Variants in EWSR1 observed in about 807,000 individuals in gnomAD.
The protein encoded by EWSR1 is EWS RNA binding protein 1, also known as RNA-binding protein EWS.
In EWSR1, 14 loss-of-function variants were observed where a neutral mutation model predicts 92.1. The ratio of observed to expected loss-of-function variants is 0.15; its 90% confidence interval spans 0.10 to 0.24. The LOEUF (loss-of-function observed/expected upper bound fraction) is 0.24, where lower values mean the gene tolerates loss of function less well. EWSR1 is among the 10% of genes least tolerant of loss of function. The probability of loss-of-function intolerance (pLI) is 1.00; values close to 1 mark genes in which losing one functional copy is unlikely to be tolerated. For missense variants in EWSR1, 637 were observed against 870.9 expected (o/e 0.73, Z 3.38); for synonymous variants, 303 against 292.9 (o/e 1.03, Z -0.35).
chr22:29,299,807 G>C lies in EWSR1; in HGVS notation c.1887G>C (p.Met629Ile). The C allele has an allele frequency of 6.3e-7, 1 of 1,575,520 alleles. No individual in the cohort carries two copies. The highest frequency in any genetic ancestry group is 1.1e-5 in the South Asian group (1 of 87,722). The change falls in exon 16 of 17, where the codon ATG becomes ATC. Residue 629 changes from methionine (M) to isoleucine (I), a missense_variant. By Grantham distance (10) the Met-to-Ile change is conservative. Transcript: ENST00000397938. The part of the protein sequence containing the change: ...GGPPGPLMEQ[M>I]GGRRGGRGGP... ...CCCCTGGACCTTTGATGGAACAGAT[G>C]GGAGGAAGAAGAGGAGGACGTGGAG...
chr22:29,288,333 A>G (rs948793716), intron 7 of EWSR1, among the ~76,000 whole-genome samples: 2 of 152,208 alleles, frequency 1.3e-5, no homozygotes, highest in African/African-American at 4.8e-5. Flanking sequence ...AGAACCCTAT[A>G]AACTATATGT....
chr22:29,290,657 C>T, intron 8 of EWSR1: 3 of 1,388,292 alleles, frequency 2.2e-6, no homozygotes, highest in East Asian at 5.2e-5. Flanking sequence ...AATTGTGTAA[C>T]ATTAAAGTGT....
intron 1 of EWSR1, among the ~76,000 whole-genome samples, chr22:29,270,735 TG>T (rs1569039513): frequency 6.6e-6 from 1 of 152,116 alleles, no homozygotes. Context: ...CAACAAAACG[TG>T]GGTTAAAATA....
intron 5 of EWSR1, among the ~76,000 whole-genome samples, chr22:29,281,337 T>C (rs2059586317): frequency 1.5e-5 from 2 of 130,672 alleles, no homozygotes; most frequent in South Asian, 2.7e-4. Context: ...TGAGATGGAG[T>C]CTCTCTGTTG....
At chr22:29,274,407 G>A (rs2058940619) in intron 4 of EWSR1, 2 of 1,066,284 alleles carry the variant, frequency 1.9e-6, no homozygotes, top group Non-Finnish European at 2.9e-6. Context: ...ACACAGCAAG[G>A]TGCTAATGAA....
intron 13 of EWSR1, 45 bp downstream of exon 13, chr22:29,297,994 C>T (rs1174099284): frequency 3.8e-6 from 6 of 1,564,022 alleles, no homozygotes; most frequent in Non-Finnish European, 5.2e-6. Context: ...GTTTTCAGTA[C>T]ACTTCATACC....
chr22:29,290,671 CTT>C, intron 8 of EWSR1: 1 of 1,373,458 alleles, frequency 7.3e-7, no homozygotes, highest in Non-Finnish European at 9.4e-7. Flanking sequence ...AAAGTGTAAA[CTT>C]TTGTGTTTAA....
chr22:29,283,780 C>T (rs1418765765), intron 6 of EWSR1, among the ~76,000 whole-genome samples: 4 of 150,792 alleles, frequency 2.7e-5, no homozygotes, highest in East Asian at 1.9e-4. Flanking sequence ...GTGATCCACC[C>T]GCCTCCACCT....
In EWSR1 at chr22:29,292,524, G is replaced by T; in HGVS notation, c.1082G>T (p.Ser361Ile). 2 of 1,613,904 alleles carry T rather than the reference G, an allele frequency of 1.2e-6. No homozygotes were observed. Among genetic ancestry groups the T allele is most frequent in the Non-Finnish European group, 1.7e-6 (2 of 1,179,878 alleles). Residue 361 changes from serine to isoleucine, a missense_variant, in exon 11 of 17, where the codon AGT (serine) becomes ATT (isoleucine). By Grantham distance (142) the Ser-to-Ile change is moderately radical. Transcript: ENST00000397938. Reference protein sequence around the residue: ...PVDPDEDSDNSAIYVQGLNDS... With the variant: ...PVDPDEDSDNIAIYVQGLNDS... ...GATCCAGATGAAGACTCTGACAACAGTGCAATTTATGTACAAGGATTAAAT... is the reference window on the plus strand; with the variant it reads ...GATCCAGATGAAGACTCTGACAACATTGCAATTTATGTACAAGGATTAAAT...
Position 29,292,643 on chromosome 22 carries a change from T to G in EWSR1, c.1164+37T>G, listed in dbSNP as rs3761426. On this transcript the variant is annotated intron_variant, in intron 11 of 16. Coordinates refer to ENST00000397938, the MANE Select transcript of EWSR1 (RefSeq NM_005243.4). ...CATAACCAGGTCATCTGGCAGAACTTTAAACCACAGAGCATTTTAAAGAGA... is the reference window on the plus strand; with the variant it reads ...CATAACCAGGTCATCTGGCAGAACTGTAAACCACAGAGCATTTTAAAGAGA... The G allele has an allele frequency of 0.17, 227,588 of 1,368,836 alleles. 21,063 individuals are homozygous for G. Among genetic ancestry groups the G allele is most frequent in the South Asian group, 0.29 (24,672 of 84,464 alleles). 84.8% of individuals were successfully genotyped at this position (1,368,836 alleles called of 1,614,324 possible). A position where few individuals can be genotyped will look rare whatever the true frequency, so the allele number is the denominator to read the frequency against.
chr22:29,279,367 C>CA (rs2059385601), intron 5 of EWSR1, among the ~76,000 whole-genome samples: 1 of 152,180 alleles, frequency 6.6e-6, no homozygotes, highest in Non-Finnish European at 1.5e-5. Flanking sequence ...TTCAAGAAAT[C>CA]AAACATTACT....
intron 6 of EWSR1, 127 bp from the exon 7 acceptor site, chr22:29,286,796 A>G: frequency 3.1e-6 from 2 of 642,768 alleles, no homozygotes; most frequent in South Asian, 4.0e-5. Flanking sequence ...GTTGATGTGT[A>G]GAAAGTAACT....
At chr22:29,277,888 A>G (rs2059242790) in intron 4 of EWSR1, 142 bp from the exon 5 acceptor site, 3 of 677,752 alleles carry the variant, frequency 4.4e-6, no homozygotes, top group Non-Finnish European at 7.2e-6. Context: ...GTTTGTTGCT[A>G]CTCTTGCGGA....
Position 29,300,350 on chromosome 22 carries a change from TTTTTTCTTCCTTC to T in EWSR1, c.*194_*206del. The T allele has an allele frequency of 1.8e-6, 1 of 563,712 alleles. No homozygotes were observed. Among genetic ancestry groups the T allele is most frequent in the Non-Finnish European group, 3.1e-6 (1 of 327,864 alleles). 34.9% of individuals were successfully genotyped at this position (563,712 alleles called of 1,614,324 possible). ...AGTTAAATGGTAGTGTGCGGAGTTTTTTTTTCTTCCTTCTTTTAAAAATGGTTGTTTAAGACTT... is the reference window on the plus strand; with the variant it reads ...AGTTAAATGGTAGTGTGCGGAGTTTTTTTTAAAAATGGTTGTTTAAGACTT... On this transcript the variant is annotated 3_prime_UTR_variant, in exon 17 of 17. Transcript: ENST00000397938.
intron 5 of EWSR1, among the ~76,000 whole-genome samples, chr22:29,279,180 G>A (rs909049160): frequency 9.9e-5 from 15 of 152,118 alleles, no homozygotes; most frequent in African/African-American, 3.6e-4. Flanking sequence ...TGATAGAATT[G>A]TACTTTTGAA....
chr22:29,280,309 C>T (rs918052128), intron 5 of EWSR1, among the ~76,000 whole-genome samples: 2 of 152,176 alleles, frequency 1.3e-5, no homozygotes, highest in Non-Finnish European at 2.9e-5. Flanking sequence ...CTCAAGTGAT[C>T]CGCCTGCCTT....
At chr22:29,291,289 T>C (rs2060423664) in intron 8 of EWSR1, 5 of 392,428 alleles carry the variant, frequency 1.3e-5, no homozygotes, top group Non-Finnish European at 1.8e-5. Context: ...ATCTATTTTT[T>C]CTTGCTAATT....
At position 29,274,651 on chromosome 22, in the gene EWSR1, C is replaced by G. The variant is rs1185830056; in HGVS notation, c.226+787C>G. ...GCCACCCTGCATGTATCATGTTTGT[C>G]TATTGGTTGGTTTCTAGTCCAGACA... On this transcript the variant is annotated intron_variant, in intron 4 of 16. Transcript: ENST00000397938. Among the ~76,000 whole-genome samples the G allele has an allele frequency of 1.3e-5, 2 of 152,182 alleles. 1 individual carries two copies. The highest frequency in any genetic ancestry group is 4.1e-4 in the South Asian group (2 of 4,824).
Position 29,299,622 on chromosome 22 carries a change from C to G in EWSR1, c.1702C>G (p.Pro568Ala). ...AGGTGGTGATCGTGGCAGAGGTGGC[C>G]CTGGTGGCATGCGGGGAGGAAGAGG... ...PPGGDRGRGG[P>A]GGMRGGRGGL... The change falls in exon 16 of 17, where the codon CCT (proline) becomes GCT (alanine). Residue 568 changes from proline to alanine, a missense_variant. Physicochemically the swap from Pro to Ala is conservative, Grantham distance 27 (BLOSUM62 -1). This residue lies in a region of EWSR1 where 363 missense variants were observed against 447.8 expected (regional missense o/e 0.81). Coordinates refer to ENST00000397938, the MANE Select transcript of EWSR1 (RefSeq NM_005243.4). The G allele has an allele frequency of 6.2e-7, 1 of 1,605,472 alleles. No individual in the cohort carries two copies. The highest frequency in any genetic ancestry group is 8.5e-7 in the Non-Finnish European group (1 of 1,175,368).
Sources: gnomAD v4.1 joint callset for allele counts (sites outside exome capture counted in the v4.1 genomes callset) on GRCh38, gnomAD v4.1.1 for gene constraint, gnomAD v4.1.1 regional missense constraint, MANE v1.5 for transcripts, NCBI Gene and HGNC (gene_info 2026-07-23, HGNC 2026-07-21) for gene names.